The following MCF2L variants were observed in gnomAD, a reference collection of about 807,000 sequenced individuals.
MCF2L encodes guanine nucleotide exchange factor DBS.
A neutral mutation model predicts 153.4 loss-of-function variants in MCF2L; 97 were observed. The observed-to-expected ratio is 0.63, with a 90% CI of 0.54 to 0.75. MCF2L has a LOEUF of 0.75. MCF2L is among the 30% of genes least tolerant of loss of function. MCF2L has a pLI of 0.00. For synonymous variants in MCF2L, 659 were observed against 632.2 expected, an observed-to-expected ratio of 1.04 and a Z score of -0.64; for missense variants, 1,347 against 1,495.2, an observed-to-expected ratio of 0.90 and a Z score of 1.64.
intron 2 of MCF2L, among the ~76,000 whole-genome samples, chr13:113,023,993 G>A (rs1452561209): frequency 1.3e-5 from 2 of 152,314 alleles, no homozygotes; most frequent in South Asian, 2.1e-4. Flanking sequence ...AAAACAGATC[G>A]CAAGGCCAGA....
chr13:112,929,959 C>T (rs2081445170), intron 2 of MCF2L, among the ~76,000 whole-genome samples: 1 of 152,214 alleles, frequency 6.6e-6, no homozygotes, highest in South Asian at 2.1e-4. Context: ...CTAATAAAAA[C>T]CAGTGCCAGA....
At chr13:112,920,189 G>A (rs900515585) in intron 2 of MCF2L, among the ~76,000 whole-genome samples, 3 of 152,202 alleles carry the variant, frequency 2.0e-5, no homozygotes, top group African/African-American at 7.2e-5. Flanking sequence ...ACTGCAGAGT[G>A]AAGAGCTCAC....
At position 113,027,915 on chromosome 13, in the gene MCF2L, C is replaced by T. The variant is rs1365916964; in HGVS notation, c.278+3157C>T. Among the ~76,000 whole-genome samples the T allele has an allele frequency of 6.6e-6, 1 of 152,202 alleles. No homozygotes were observed. Among genetic ancestry groups the T allele is most frequent in the African/African-American group, 2.4e-5 (1 of 41,444 alleles). On this transcript the variant is annotated intron_variant, in intron 3 of 29. Transcript: ENST00000535094. This position sits in a 1 kb window ranked among gnomAD's most constrained non-coding sequence, Gnocchi z 4.8. ...GGTGTCCTGGGGAGGGCGGTCATCT[C>T]CAAGCCTCCAGGCCTTTGTCTGTCA... is the stretch of plus-strand genomic sequence containing the variant.
intron 12 of MCF2L, among the ~76,000 whole-genome samples, chr13:113,076,602 A>G (rs1023297130): frequency 5.9e-5 from 9 of 152,234 alleles, no homozygotes; most frequent in African/African-American, 2.2e-4. Context: ...GGCATATGAG[A>G]GAAACACACA....
Position 113,087,399 on chromosome 13 carries a change from G to C in MCF2L, c.2538G>C (p.Glu846Asp), listed in dbSNP as rs1233745759. 6.2e-7 allele frequency: 1 copy of C among 1,613,198 alleles called. No homozygotes were observed. The highest frequency in any genetic ancestry group is 1.3e-5 in the African/African-American group (1 of 74,948). Residue 846 changes from glutamate (E) to aspartate (D), a missense_variant, in exon 22 of 30, where the codon GAG (glutamate) becomes GAC (aspartate). Physicochemically the swap from Glu to Asp is conservative, Grantham distance 45. This residue lies in a region of MCF2L where 144 missense variants were observed against 238.7 expected (regional missense o/e 0.60). Coordinates refer to ENST00000535094, the MANE Select transcript of MCF2L (RefSeq NM_001112732.3). The stretch of plus-strand genomic sequence containing the variant: ...CAGTGCTCTTCTGCAAGAAGAGGGA[G>C]GAGAATGGGGAGGGGTATGAGAAAG... The part of the protein sequence containing the change: ...EKAVLFCKKR[E>D]ENGEGYEKAP...
intron 2 of MCF2L, among the ~76,000 whole-genome samples, chr13:112,923,063 A>G (rs940007651): frequency 1.3e-5 from 2 of 152,230 alleles, no homozygotes; most frequent in Non-Finnish European, 2.9e-5. Context: ...TCAGATGTAC[A>G]GAACAATGGC....
intron 2 of MCF2L, among the ~76,000 whole-genome samples, chr13:112,933,241 G>A (rs1425223081): frequency 6.6e-6 from 1 of 152,196 alleles, no homozygotes; most frequent in African/African-American, 2.4e-5. Context: ...CCAGGCTGCC[G>A]TCTCCTTGGG....
rs909784757 is a variant in MCF2L at position 112,916,450 on chromosome 13, G to T, written c.169+14079G>T. ...CTCACTGGTGTTTCATCAGTCTTTG[G>T]GGAGGTGGTGGGATGAGTCTCCGCA... is the stretch of plus-strand genomic sequence containing the variant. On this transcript the variant is annotated intron_variant, in intron 2 of 29. Coordinates refer to the MCF2L transcript ENST00000375608. 4.6e-5 allele frequency among the ~76,000 whole-genome samples: 7 copies of T among 152,036 alleles called. No homozygotes were observed. In the South Asian group the frequency reaches 1.2e-3, roughly 27 times the overall value.
At chr13:112,971,162 G>T (rs1453186987) in intron 1 of MCF2L, among the ~76,000 whole-genome samples, 1 of 152,194 alleles carries the variant, frequency 6.6e-6, no homozygotes, top group Non-Finnish European at 1.5e-5. Context: ...TCATGAGGGG[G>T]TTTATGATGC....
At chr13:112,984,125 C>T (rs1369341358) in intron 1 of MCF2L, among the ~76,000 whole-genome samples, 1 of 152,204 alleles carries the variant, frequency 6.6e-6, no homozygotes, top group Non-Finnish European at 1.5e-5. Flanking sequence ...AGCACCCTCG[C>T]CGGGTGCCGG....
intron 2 of MCF2L, among the ~76,000 whole-genome samples, chr13:112,962,667 C>G (rs957337720): frequency 6.6e-6 from 1 of 152,224 alleles, no homozygotes; most frequent in Non-Finnish European, 1.5e-5. Flanking sequence ...GGAGCAAAAC[C>G]CCTGAAGGCC....
intron 3 of MCF2L, among the ~76,000 whole-genome samples, chr13:113,037,098 G>A (rs147241921): frequency 1.7e-4 from 26 of 152,328 alleles, no homozygotes; most frequent in African/African-American, 6.3e-4. Flanking sequence ...GGAGGTGCAA[G>A]CGTGTCATCC....
chr13:113,002,547 G>T (rs993156398), intron 1 of MCF2L, among the ~76,000 whole-genome samples: 1 of 152,166 alleles, frequency 6.6e-6, no homozygotes, highest in African/African-American at 2.4e-5. Context: ...CCGGCTGGGC[G>T]GCCTCTGTGG....
intron 4 of MCF2L, among the ~76,000 whole-genome samples, chr13:113,055,378 C>T (rs2087671948): frequency 1.7e-5 from 1 of 60,038 alleles, no homozygotes; most frequent in African/African-American, 6.5e-5. Flanking sequence ...GACCCCCCCC[C>T]CCGCCACACA....
chr13:113,026,969 A>AAGATG, intron 3 of MCF2L: 1 of 778,636 alleles, frequency 1.3e-6, no homozygotes, highest in Non-Finnish European at 2.4e-6. Context: ...AGCCTCCAGG[A>AAGATG]AGATGCTGAG....
At chr13:112,970,657 C>T (rs1223570615) in intron 1 of MCF2L, among the ~76,000 whole-genome samples, 1 of 152,076 alleles carries the variant, frequency 6.6e-6, no homozygotes, top group Non-Finnish European at 1.5e-5. Flanking sequence ...GCCCCCCTTG[C>T]TCTGCATGCC....
At chr13:112,911,700 GCGCCAGCCTTT>G (rs1301100746) in intron 2 of MCF2L, among the ~76,000 whole-genome samples, 4 of 152,268 alleles carry the variant, frequency 2.6e-5, no homozygotes, top group African/African-American at 9.6e-5. Context: ...CGGCGGGCCT[GCGCCAGCCTTT>G]CCTCACAGAA....
At chr13:112,987,112 G>T (rs866123154) in intron 1 of MCF2L, among the ~76,000 whole-genome samples, 13 of 152,270 alleles carry the variant, frequency 8.5e-5, no homozygotes, top group Non-Finnish European at 1.6e-4. Context: ...AACTCACTCA[G>T]TGGAGCTGCC....
chr13:113,011,769 G>T (rs1210260009), intron 1 of MCF2L, among the ~76,000 whole-genome samples: 1 of 129,658 alleles, frequency 7.7e-6, no homozygotes, highest in Non-Finnish European at 1.6e-5. Flanking sequence ...GTGGACAGGC[G>T]GTGTGGACGG....
Sources: allele counts gnomAD v4.1 joint callset (sites outside exome capture counted in the v4.1 genomes callset), GRCh38; gene constraint gnomAD v4.1.1; regional missense constraint gnomAD v4.1.1; non-coding constraint Gnocchi (gnomAD v3.1); transcripts MANE v1.5; gene names NCBI Gene and HGNC (gene_info 2026-07-23, HGNC 2026-07-21).